NUP210L: variants seen among roughly 807,000 people sequenced by gnomAD.
NUP210L encodes the protein nuclear pore membrane glycoprotein 210-like.
A neutral mutation model predicts 208.5 loss-of-function variants in NUP210L; 74 were observed. That is an observed-to-expected ratio of 0.35 (90% CI 0.29 to 0.43). The LOEUF (loss-of-function observed/expected upper bound fraction) is 0.43, where lower values mean the gene tolerates loss of function less well. Ranked by LOEUF, NUP210L falls within the 20% of genes least tolerant of loss-of-function variation. The pLI, the probability that NUP210L is intolerant of heterozygous loss-of-function variation, is 1.00. For synonymous variants in NUP210L, 780 were observed against 816.9 expected (o/e 0.95, Z 0.77); for missense variants, 1,843 against 2,289.4 (o/e 0.81, Z 3.98).
At chr1:154,001,322 C>T (rs909224410) in intron 36 of NUP210L, among the ~76,000 whole-genome samples, 5 of 152,038 alleles carry the variant, frequency 3.3e-5, no homozygotes, top group Admixed American at 1.3e-4. Flanking sequence ...CTCAGCCTCC[C>T]GAGTAGCTGG....
intron 33 of NUP210L, among the ~76,000 whole-genome samples, chr1:154,018,548 G>A (rs891463707): frequency 6.6e-6 from 1 of 152,114 alleles, no homozygotes; most frequent in African/African-American, 2.4e-5. Flanking sequence ...TATAATCTGT[G>A]AGGAAACTCT....
intron 17 of NUP210L, among the ~76,000 whole-genome samples, chr1:154,064,815 C>T (rs1325704202): frequency 6.6e-6 from 1 of 152,134 alleles, no homozygotes; most frequent in Non-Finnish European, 1.5e-5. Context: ...TGGCTCATGC[C>T]TGTAATCCCA....
chr1:154,019,005 T>C lies in NUP210L; in HGVS notation c.4581A>G (p.Val1527=), dbSNP rs374092275. 3.9e-5 allele frequency: 63 copies of C among 1,613,984 alleles called. 1 individual carries two copies. In the African/African-American group the frequency reaches 8.1e-4, roughly 21 times the overall value. ...CAGTCCCCGGACTCCTGGCCACTCC[T>C]ACTCCAGTGACAATGTCTGTCTGTA... The change falls in exon 33 of 40, where the codon GTA becomes GTG. Residue 1527 remains valine (V), a synonymous_variant. Coordinates refer to ENST00000368559, the Ensembl canonical transcript of NUP210L.
At chr1:154,061,890 G>A (rs1654161238) in intron 17 of NUP210L, among the ~76,000 whole-genome samples, 1 of 152,166 alleles carries the variant, frequency 6.6e-6, no homozygotes, top group Non-Finnish European at 1.5e-5. Flanking sequence ...CTGAAGTGCA[G>A]TGATGTGATC....
At chr1:154,103,988 A>C in intron 13 of NUP210L, 24 bp downstream of exon 13, 1 of 1,549,110 alleles carries the variant, frequency 6.5e-7, no homozygotes, top group East Asian at 2.2e-5. Context: ...CAAAGGAAGG[A>C]GAAGATAAAA....
chr1:153,995,172 C>T (rs1254010957), exon 38 of NUP210L: 1 of 1,611,624 alleles, frequency 6.2e-7, no homozygotes, highest in Admixed American at 1.7e-5. Flanking sequence ...GCGGAATCTT[C>T]ACAGTGATCT....
chr1:154,070,601 G>T, intron 16 of NUP210L, 136 bp from the exon 17 acceptor site: 1 of 541,134 alleles, frequency 1.8e-6, no homozygotes, highest in Non-Finnish European at 3.1e-6. Flanking sequence ...TATAGCTATT[G>T]AAAGAACAAT....
intron 33 of NUP210L, among the ~76,000 whole-genome samples, chr1:154,014,550 C>T (rs1313726287): frequency 6.6e-6 from 1 of 151,970 alleles, no homozygotes; most frequent in East Asian, 1.9e-4. Context: ...TTGAAGTTGC[C>T]CTGATTTATT....
chr1:154,050,255 A>C (rs944525869), intron 25 of NUP210L, among the ~76,000 whole-genome samples: 2 of 152,210 alleles, frequency 1.3e-5, no homozygotes, highest in African/African-American at 4.8e-5. Context: ...GGGGACATTA[A>C]TTGGATATGA....
intron 17 of NUP210L, among the ~76,000 whole-genome samples, chr1:154,065,493 T>C (rs1288071999): frequency 6.6e-6 from 1 of 152,188 alleles, no homozygotes; most frequent in Non-Finnish European, 1.5e-5. Flanking sequence ...CCCTCAGCCC[T>C]AGCTTTGTAA....
intron 27 of NUP210L, among the ~76,000 whole-genome samples, chr1:154,037,722 G>A (rs1652640761): frequency 6.6e-6 from 1 of 152,052 alleles, no homozygotes; most frequent in African/African-American, 2.4e-5. Flanking sequence ...AGGCTGGAGT[G>A]CAGTGGCGTG....
intron 15 of NUP210L, among the ~76,000 whole-genome samples, chr1:154,091,776 T>C (rs1416259197): frequency 2.0e-5 from 3 of 151,620 alleles, no homozygotes; most frequent in African/African-American, 7.3e-5. Context: ...GCTGGAATTA[T>C]AGGCGTGAGC....
intron 10 of NUP210L, among the ~76,000 whole-genome samples, chr1:154,122,839 ACCT>A (rs1196471015): frequency 6.6e-6 from 1 of 151,986 alleles, no homozygotes; most frequent in Non-Finnish European, 1.5e-5. Flanking sequence ...TGGGTGGAGC[ACCT>A]GAGTTCAGGA....
chr1:154,019,383 T>C (rs964037330), intron 32 of NUP210L, among the ~76,000 whole-genome samples: 1 of 152,212 alleles, frequency 6.6e-6, no homozygotes, highest in Non-Finnish European at 1.5e-5. Flanking sequence ...AGGACAAATT[T>C]GCTTTGAGCT....
At chr1:154,137,097 A>G (rs1658588911) in intron 6 of NUP210L, among the ~76,000 whole-genome samples, 2 of 152,180 alleles carry the variant, frequency 1.3e-5, no homozygotes, top group South Asian at 4.1e-4. Context: ...TAAAGCTTTA[A>G]TTGTTTTATT....
At chr1:154,047,363 G>A (rs1305240380) in intron 25 of NUP210L, among the ~76,000 whole-genome samples, 2 of 152,186 alleles carry the variant, frequency 1.3e-5, no homozygotes, top group African/African-American at 4.8e-5. Context: ...CTCATATACT[G>A]TTGGGAACAG....
At chr1:154,028,956 A>G (rs374356830) in intron 28 of NUP210L, among the ~76,000 whole-genome samples, 7 of 151,900 alleles carry the variant, frequency 4.6e-5, no homozygotes, top group Non-Finnish European at 8.8e-5. Context: ...TTAGCCGGGC[A>G]TGGTGGTGCA....
chr1:154,149,612 A>G (rs1011919669), intron 2 of NUP210L, among the ~76,000 whole-genome samples: 3 of 152,034 alleles, frequency 2.0e-5, no homozygotes, highest in Non-Finnish European at 4.4e-5. Flanking sequence ...AGGAGGCTGA[A>G]GTAGGGGGAT....
exon 5 of NUP210L, chr1:154,139,833 ACAACAG>A: frequency 6.2e-7 from 1 of 1,613,166 alleles, no homozygotes; most frequent in Non-Finnish European, 8.5e-7. Context: ...TCGAACTTTT[ACAACAG>A]CAGCACCAGT....
Sources: gnomAD v4.1 joint callset for allele counts (sites outside exome capture counted in the v4.1 genomes callset) on GRCh38, gnomAD v4.1.1 for gene constraint, MANE v1.5 for transcripts, NCBI Gene and HGNC (gene_info 2026-07-23, HGNC 2026-07-21) for gene names.